Variants in PTPRD observed in about 807,000 individuals in gnomAD.
The protein encoded by PTPRD is protein tyrosine phosphatase receptor type D, also known as receptor-type tyrosine-protein phosphatase delta.
A neutral mutation model predicts 214.5 loss-of-function variants in PTPRD; 34 were observed. That is an observed-to-expected ratio of 0.16 (90% CI 0.12 to 0.21). The LOEUF (loss-of-function observed/expected upper bound fraction) is 0.21. PTPRD is among the 10% of genes least tolerant of loss of function. PTPRD has a pLI of 1.00. For synonymous variants in PTPRD, 1,128 were observed against 845.7 expected, an observed-to-expected ratio of 1.33 and a Z score of -5.79; for missense variants, 2,545 against 2,398.7, an observed-to-expected ratio of 1.06 and a Z score of -1.27.
At chr9:9,857,990 A>C (rs1325615763) in intron 5 of PTPRD, among the ~76,000 whole-genome samples, 1 of 152,216 alleles carries the variant, frequency 6.6e-6, no homozygotes, top group African/African-American at 2.4e-5. Context: ...TGAAGAATGC[A>C]TTATCATGCT....
chr9:8,672,469 A>G (rs2097306025), intron 12 of PTPRD, among the ~76,000 whole-genome samples: 1 of 152,136 alleles, frequency 6.6e-6, no homozygotes, highest in Admixed American at 6.5e-5. Flanking sequence ...GTGCTTTATT[A>G]GGGTTGGGCA....
chr9:9,342,707 C>CT (rs34613569), intron 9 of PTPRD, among the ~76,000 whole-genome samples: 34 of 148,664 alleles, frequency 2.3e-4, no homozygotes, highest in South Asian at 1.7e-3. Flanking sequence ...ATATCTCTGA[C>CT]TTTTTTTTTT....
intron 11 of PTPRD, among the ~76,000 whole-genome samples, chr9:8,875,369 T>G (rs2098376775): frequency 6.6e-6 from 1 of 151,712 alleles, no homozygotes; most frequent in Non-Finnish European, 1.5e-5. Flanking sequence ...AAAAATAATT[T>G]TTTTTTTAAT....
intron 12 of PTPRD, among the ~76,000 whole-genome samples, chr9:8,728,969 G>C (rs956006314): frequency 6.6e-6 from 1 of 152,152 alleles, no homozygotes; most frequent in South Asian, 2.1e-4. Flanking sequence ...AACAGAGTGA[G>C]ACTGTCTCAA....
intron 3 of PTPRD, among the ~76,000 whole-genome samples, chr9:10,158,992 A>G (rs1051506182): frequency 3.3e-5 from 5 of 152,154 alleles, no homozygotes; most frequent in African/African-American, 9.7e-5. Flanking sequence ...CAGCAGCACC[A>G]TGTTGTAGGA....
intron 5 of PTPRD, among the ~76,000 whole-genome samples, chr9:9,817,842 G>C (rs2476591): frequency 0.46 from 69,711 of 152,050 alleles, 19,109 homozygotes; most frequent in African/African-American, 0.77. Context: ...TTAGCCCCTT[G>C]TGTCTCACGG....
At chr9:9,374,106 G>A (rs1218053221) in intron 9 of PTPRD, among the ~76,000 whole-genome samples, 2 of 151,782 alleles carry the variant, frequency 1.3e-5, no homozygotes, top group Non-Finnish European at 2.9e-5. Context: ...CCATAAAAAT[G>A]TGCATCTAAA....
intron 9 of PTPRD, among the ~76,000 whole-genome samples, chr9:9,355,127 C>T (rs2053245861): frequency 6.6e-6 from 1 of 151,752 alleles, no homozygotes; most frequent in South Asian, 2.1e-4. Flanking sequence ...GTGTGGTATA[C>T]ACTTGTGTTA....
At chr9:9,784,618 A>G (rs1007223008) in intron 5 of PTPRD, among the ~76,000 whole-genome samples, 20 of 152,070 alleles carry the variant, frequency 1.3e-4, no homozygotes, top group African/African-American at 4.3e-4. Context: ...AAATTAGCAG[A>G]TCAATAACCT....
chr9:10,513,860 C>T (rs1259788019), intron 2 of PTPRD, among the ~76,000 whole-genome samples: 1 of 152,208 alleles, frequency 6.6e-6, no homozygotes, highest in African/African-American at 2.4e-5. Flanking sequence ...TAACCTAGGC[C>T]TCCTGACTGA....
At chr9:9,944,403 A>AC (rs775842084) in intron 4 of PTPRD, among the ~76,000 whole-genome samples, 5,842 of 152,234 alleles carry the variant, frequency 0.038, 137 homozygotes, top group Non-Finnish European at 0.056. Flanking sequence ...GCTGGCACTT[A>AC]AAATACAGGA....
chr9:10,284,049 T>C (rs1417588457), intron 3 of PTPRD, among the ~76,000 whole-genome samples: 1 of 152,160 alleles, frequency 6.6e-6, no homozygotes, highest in Admixed American at 6.5e-5. Flanking sequence ...TTAGACTAGA[T>C]GCACTCTCTG....
intron 6 of PTPRD, among the ~76,000 whole-genome samples, chr9:9,759,653 G>C (rs2098633513): frequency 6.7e-6 from 1 of 149,034 alleles, no homozygotes; most frequent in Non-Finnish European, 1.5e-5. Context: ...TACCTCCCAG[G>C]TTCAAGCAAT....
chr9:10,524,300 C>G (rs1031359660), intron 2 of PTPRD, among the ~76,000 whole-genome samples: 1 of 151,952 alleles, frequency 6.6e-6, no homozygotes, highest in African/African-American at 2.4e-5. Flanking sequence ...TCCGAGGCAG[C>G]GCAAAATGTG....
intron 3 of PTPRD, among the ~76,000 whole-genome samples, chr9:10,173,807 C>T (rs1302542404): frequency 1.3e-5 from 2 of 151,546 alleles, no homozygotes; most frequent in African/African-American, 4.9e-5. Context: ...AAAGGTGAAT[C>T]TCAGGACAAT....
chr9:8,984,378 A>G (rs979824528), intron 11 of PTPRD, among the ~76,000 whole-genome samples: 2 of 152,142 alleles, frequency 1.3e-5, no homozygotes, highest in Non-Finnish European at 2.9e-5. Flanking sequence ...TGAATCTTTA[A>G]TAACAAGAAC....
intron 7 of PTPRD, among the ~76,000 whole-genome samples, chr9:9,584,606 A>G (rs1395414566): frequency 6.6e-6 from 1 of 151,906 alleles, no homozygotes; most frequent in African/African-American, 2.4e-5. Context: ...TCGTTATTCT[A>G]CACTTTAAAA....
Position 10,230,474 on chromosome 9 carries a change from A to ATCTATCTG in PTPRD, c.-545+110488_-545+110489insCAGATAGA, listed in dbSNP as rs1554901799. Among the ~76,000 whole-genome samples, 71 of 151,312 alleles carry ATCTATCTG rather than the reference A, an allele frequency of 4.7e-4. 1 individual carries two copies. Among genetic ancestry groups the ATCTATCTG allele is most frequent in the East Asian group, 3.7e-3 (19 of 5,108 alleles). On this transcript the variant is annotated intron_variant, in intron 3 of 45. Transcript: ENST00000381196. ...TATCTATCTATCTATCTATCTATCT[A>ATCTATCTG]TCTGTCTATCTACCTATCCATCTAT...
chr9:10,172,347 G>A (rs1303032075), intron 3 of PTPRD, among the ~76,000 whole-genome samples: 1 of 151,966 alleles, frequency 6.6e-6, no homozygotes, highest in African/African-American at 2.4e-5. Flanking sequence ...GATCCTGTAA[G>A]AATAATATTG....
Sources: allele counts gnomAD v4.1 joint callset (sites outside exome capture counted in the v4.1 genomes callset), GRCh38; gene constraint gnomAD v4.1.1; transcripts MANE v1.5; gene names NCBI Gene and HGNC (gene_info 2026-07-23, HGNC 2026-07-21).